The following TFIP11 variants were observed in gnomAD, a reference collection of about 807,000 sequenced individuals.
TFIP11 encodes tuftelin-interacting protein 11.
Under a neutral mutation model 96.8 loss-of-function variants are expected in TFIP11, and 86 were observed. The ratio of observed to expected loss-of-function variants is 0.89; its 90% CI spans 0.75 to 1.06. TFIP11 has a LOEUF of 1.06. Among genes scored for constraint, TFIP11 ranks in the 50% least tolerant of loss-of-function variants. The probability of loss-of-function intolerance (pLI) is 0.00; values close to 1 mark genes in which losing one functional copy is unlikely to be tolerated. For synonymous variants in TFIP11, 405 were observed against 395.2 expected, an observed-to-expected ratio of 1.02 and a Z score of -0.29; for missense variants, 881 against 1,076.7, an observed-to-expected ratio of 0.82 and a Z score of 2.54.
rs369712087 is a variant in TFIP11 at position 26,499,485 on chromosome 22, C to A, written c.948G>T (p.Ala316=). The change falls in exon 9 of 15, where the codon GCG becomes GCT. Residue 316 remains alanine, a synonymous_variant. Transcript: ENST00000407690. The part of the protein sequence containing the change: ...SGKEAKAPGF[A]LPELEHNLQL... Reference sequence around the variant, plus strand: ...GCAGGTTGTGCTCCAGCTCGGGCAGCGCGAAGCCGGGGGCCTTGGCCTCTT... The same window carrying A: ...GCAGGTTGTGCTCCAGCTCGGGCAGAGCGAAGCCGGGGGCCTTGGCCTCTT... 1.2e-6 allele frequency: 2 copies of A among 1,614,198 alleles called. No individual in the cohort carries two copies. The highest frequency in any genetic ancestry group is 1.7e-6 in the Non-Finnish European group (2 of 1,180,050).
In TFIP11 at chr22:26,494,305, C is replaced by T; in HGVS notation, c.1993-1G>A. The T allele has an allele frequency of 4.3e-6, 7 of 1,614,180 alleles. No homozygotes were observed. The highest frequency in any genetic ancestry group is 5.9e-6 in the Non-Finnish European group (7 of 1,180,038). On this transcript the variant is annotated splice_acceptor_variant, in intron 13 of 14. Transcript: ENST00000407690. LOFTEE classifies it high-confidence loss of function. ...TGTTACTGAGCCAAGAGCACAGCACCTGCCAAAAAGAAAAATTACTTGCAT... is the reference window on the plus strand; with the variant it reads ...TGTTACTGAGCCAAGAGCACAGCACTTGCCAAAAAGAAAAATTACTTGCAT...
Position 26,492,385 on chromosome 22 carries a change from CA to C in TFIP11, c.2159-18del. 6.2e-7 allele frequency: 1 copy of C among 1,611,752 alleles called. No homozygotes were observed. Among genetic ancestry groups the C allele is most frequent in the East Asian group, 2.2e-5 (1 of 44,852 alleles). On this transcript the variant is annotated intron_variant, in intron 14 of 14. Coordinates refer to ENST00000407690, the MANE Select transcript of TFIP11 (RefSeq NM_012143.4). ...TGTAGGCACCTAAGATACAGGAGGACAGGGCGGTGAGGAGAGGTGTTTCCAG... is the reference window on the plus strand; with the variant it reads ...TGTAGGCACCTAAGATACAGGAGGACGGGCGGTGAGGAGAGGTGTTTCCAG...
At chr22:26,511,012 G>A (rs1298286739) in intron 2 of TFIP11, 2 of 152,230 alleles carry the variant, frequency 1.3e-5, no homozygotes, top group African/African-American at 4.8e-5. Context: ...TTCTACTTTA[G>A]TCCCATGATT....
At chr22:26,496,039 G>T in intron 12 of TFIP11, 34 bp downstream of exon 12, 2 of 1,602,934 alleles carry the variant, frequency 1.2e-6, no homozygotes, top group Non-Finnish European at 1.7e-6. Flanking sequence ...CACCAAAGCT[G>T]CTGGGCTTGG....
At chr22:26,503,190 ACCCACCCCTCTGAATGCACTT>A (rs1922996877) in intron 7 of TFIP11, among the ~76,000 whole-genome samples, 1 of 151,944 alleles carries the variant, frequency 6.6e-6, no homozygotes, top group Admixed American at 6.6e-5. Flanking sequence ...CTTGTGGACC[ACCCACCCCTCTGAATGCACTT>A]CCTTCCCCTC....
In TFIP11 at chr22:26,503,701, A is replaced by G. The variant is rs750956291; in HGVS notation, c.613T>C (p.Phe205Leu). Reference sequence around the variant, plus strand: ...TCTTCCTCTGAGTCAACCACAGGGAAGTCTTGCATGGACTGAGTGGTGCGC... The same window carrying G: ...TCTTCCTCTGAGTCAACCACAGGGAGGTCTTGCATGGACTGAGTGGTGCGC... Reference protein sequence around the residue: ...SERTTQSMQDFPVVDSEEEAE... With the variant: ...SERTTQSMQDLPVVDSEEEAE... Residue 205 changes from phenylalanine (F) to leucine (L), a missense_variant, in exon 7 of 15, where the codon TTC (phenylalanine) becomes CTC (leucine). Phe to Leu is a conservative substitution (Grantham distance 22, BLOSUM62 0). Coordinates refer to ENST00000407690, the MANE Select transcript of TFIP11 (RefSeq NM_012143.4). The G allele has an allele frequency of 4.3e-6, 7 of 1,613,976 alleles. No individual in the cohort carries two copies. Among genetic ancestry groups the G allele is most frequent in the Non-Finnish European group, 5.9e-6 (7 of 1,180,028 alleles).
intron 13 of TFIP11, 64 bp downstream of exon 13, chr22:26,494,733 C>T: frequency 6.2e-7 from 1 of 1,605,542 alleles, no homozygotes. Flanking sequence ...CAGGCCTTGG[C>T]AGAAAATTAA....
At chr22:26,494,970 G>A (rs756994273) in intron 12 of TFIP11, 31 bp from the exon 13 acceptor site, 2 of 1,612,636 alleles carry the variant, frequency 1.2e-6, no homozygotes, top group East Asian at 4.5e-5. Flanking sequence ...GTAAGGCACA[G>A]CTTTAGTACT....
At chr22:26,494,593 C>T (rs1921681885) in intron 13 of TFIP11, 1 of 796,640 alleles carries the variant, frequency 1.3e-6, no homozygotes, top group Non-Finnish European at 1.9e-6. Flanking sequence ...TGAGATAAAG[C>T]AAATAAAGTG....
At chr22:26,500,116 A>G (rs1004787676) in intron 8 of TFIP11, among the ~76,000 whole-genome samples, 1 of 152,186 alleles carries the variant, frequency 6.6e-6, no homozygotes, top group African/African-American at 2.4e-5. Flanking sequence ...CTATTTCCTA[A>G]TTTTCTAAAA....
At chr22:26,496,639 C>T in intron 11 of TFIP11, 82 bp downstream of exon 11, 9 of 1,509,992 alleles carry the variant, frequency 6.0e-6, no homozygotes, top group Non-Finnish European at 8.1e-6. Flanking sequence ...GGCGTTTTAA[C>T]AGCACTGAGA....
rs762805603 is a variant in TFIP11 at position 26,494,262 on chromosome 22, TCTC to T, written c.2032_2034del (p.Glu678del). 2.5e-6 allele frequency: 4 copies of T among 1,614,134 alleles called. No individual in the cohort carries two copies. The highest frequency in any genetic ancestry group is 1.7e-5 in the Admixed American group (1 of 60,020). The stretch of plus-strand genomic sequence containing the variant: ...TTCCAACCCAGGTACCACTTGGTGA[TCTC>T]CTCATAATTTGGGCTGTTACTGAGC... On this transcript the variant is annotated inframe_deletion, in exon 14 of 15. Transcript: ENST00000407690.
chr22:26,500,878 CTTTTTTTTTTT>C (rs397958538), intron 8 of TFIP11, among the ~76,000 whole-genome samples: 1 of 102,060 alleles, frequency 9.8e-6, no homozygotes, highest in Non-Finnish European at 1.9e-5. Flanking sequence ...TAACGGAAAA[CTTTTTTTTTTT>C]TTTTTTTTTT....
In TFIP11 at chr22:26,496,777, C is replaced by G. The variant is rs770553732; in HGVS notation, c.1549G>C (p.Val517Leu). ...FLDSWVHIIPVWILDNILDQL... is the reference protein window; with the variant it reads ...FLDSWVHIIPLWILDNILDQL... Reference sequence around the variant, plus strand: ...TCCAGTATGTTATCTAAGATCCACACAGGAATAATGTGCACCCAACTATCC... The same window carrying G: ...TCCAGTATGTTATCTAAGATCCACAGAGGAATAATGTGCACCCAACTATCC... The change falls in exon 11 of 15, where the codon GTG becomes CTG. Residue 517 changes from valine (V) to leucine (L), a missense_variant. Coordinates refer to ENST00000407690, the MANE Select transcript of TFIP11 (RefSeq NM_012143.4). 12 of 1,614,060 alleles carry G rather than the reference C, an allele frequency of 7.4e-6. No homozygotes were observed. The highest frequency in any genetic ancestry group is 1.0e-5 in the Non-Finnish European group (12 of 1,180,038).
In TFIP11 at chr22:26,494,791, G is replaced by A. The variant is rs1921709401; in HGVS notation, c.1992+6C>T. Reference sequence around the variant, plus strand: ...CCCCCAGAAATCCAAGCAAAACAAAGTGTACCTGAAGCCACTTGGGGAAGA... The same window carrying A: ...CCCCCAGAAATCCAAGCAAAACAAAATGTACCTGAAGCCACTTGGGGAAGA... On this transcript the variant is annotated splice_donor_region_variant and intron_variant, in intron 13 of 14. Transcript: ENST00000407690. 6 of 1,614,116 alleles carry A rather than the reference G, an allele frequency of 3.7e-6. No individual in the cohort carries two copies. The highest frequency in any genetic ancestry group is 5.1e-6 in the Non-Finnish European group (6 of 1,180,004).
rs758899851 is a variant in TFIP11 at position 26,501,965 on chromosome 22, A to G, written c.736T>C (p.Leu246=). The G allele has an allele frequency of 6.2e-7, 1 of 1,613,434 alleles. No homozygotes were observed. Among genetic ancestry groups the G allele is most frequent in the Non-Finnish European group, 8.5e-7 (1 of 1,179,880 alleles). Residue 246 remains leucine, a synonymous_variant, in exon 8 of 15, where the codon TTG becomes CTG. Transcript: ENST00000407690. The stretch of plus-strand genomic sequence containing the variant: ...TTGCTAATCCTGCCCTTGGCCTTCA[A>G]CTCTTCCACGGTCTTGTAAGAGTAT... ...PKYSYKTVEE[L]KAKGRISKKL...
chr22:26,501,697 G>GT (rs1300732445), intron 8 of TFIP11, among the ~76,000 whole-genome samples: 1 of 142,518 alleles, frequency 7.0e-6, no homozygotes, highest in Non-Finnish European at 1.5e-5. Flanking sequence ...AAATATGGGA[G>GT]TGTAATGAAT....
chr22:26,496,169 C>T lies in TFIP11; in HGVS notation c.1753G>A (p.Asp585Asn), dbSNP rs1409822853. The change falls in exon 12 of 15, where the codon GAC (aspartate) becomes AAC (asparagine). Residue 585 changes from aspartate to asparagine, a missense_variant. Asp to Asn is a conservative substitution (Grantham distance 23, BLOSUM62 1). Transcript: ENST00000407690. The part of the protein sequence containing the change: ...SSALQKWHPS[D>N]SSAKLILQPW... ...TGGAGGATGAGCTTGGCAGAGGAGT[C>T]GCTGGGGTGCCACTTCTGCAGGGCG... The T allele has an allele frequency of 6.2e-7, 1 of 1,613,802 alleles. No homozygotes were observed. The highest frequency in any genetic ancestry group is 8.5e-7 in the Non-Finnish European group (1 of 1,180,018).
In TFIP11 at chr22:26,499,515, A is replaced by G. The variant is rs989888558; in HGVS notation, c.918T>C (p.Ser306=). 2 of 1,614,086 alleles carry G rather than the reference A, an allele frequency of 1.2e-6. No individual in the cohort carries two copies. Among genetic ancestry groups the G allele is most frequent in the African/African-American group, 1.3e-5 (1 of 74,938 alleles). Reference sequence around the variant, plus strand: ...AGCCGGGGGCCTTGGCCTCTTTGCCAGACTGTGGCAGCTGTTGGGACTGTA... The same window carrying G: ...AGCCGGGGGCCTTGGCCTCTTTGCCGGACTGTGGCAGCTGTTGGGACTGTA... ...LPLQSQQLPQ[S]GKEAKAPGFA... is the part of the protein sequence containing the mutation. Residue 306 remains serine, a synonymous_variant, in exon 9 of 15, where the codon TCT becomes TCC. Transcript: ENST00000407690.
Sources: allele counts gnomAD v4.1 joint callset (sites outside exome capture counted in the v4.1 genomes callset), GRCh38; gene constraint gnomAD v4.1.1; transcripts MANE v1.5; gene names NCBI Gene and HGNC (gene_info 2026-07-23, HGNC 2026-07-21).